GABRA3: variants seen among roughly 807,000 people sequenced by gnomAD.
The protein encoded by GABRA3 is gamma-aminobutyric acid receptor subunit alpha-3.
GABRA3 carries 10 observed loss-of-function variants against 30.1 expected under a neutral mutation model. The observed-to-expected ratio is 0.33, with a 90% CI of 0.20 to 0.56. The LOEUF (loss-of-function observed/expected upper bound fraction) is 0.56, where lower values mean the gene tolerates loss of function less well. Ranked by LOEUF, GABRA3 falls within the 20% of genes least tolerant of loss-of-function variation. GABRA3 has a pLI of 0.89. For synonymous variants in GABRA3, 151 were observed against 146.8 expected (o/e 1.03, Z -0.21); for missense variants, 233 against 392.0 (o/e 0.59, Z 3.42).
At chrX:152,270,584 G>A (rs1259776406) in intron 4 of GABRA3, among the ~76,000 whole-genome samples, 1 of 111,434 alleles carries the variant, frequency 9.0e-6, no homozygotes, top group Non-Finnish European at 1.9e-5. Context: ...GCCAAGTGCA[G>A]TGGCTCACAC....
At chrX:152,384,820 G>A (rs963906538) in intron 1 of GABRA3, among the ~76,000 whole-genome samples, 8 of 111,662 alleles carry the variant, frequency 7.2e-5, no homozygotes, top group African/African-American at 1.6e-4. Context: ...AACAAATACC[G>A]AATGGTAGAC....
intron 5 of GABRA3, among the ~76,000 whole-genome samples, chrX:152,247,527 G>A (rs1255369950): frequency 8.9e-6 from 1 of 111,764 alleles, no homozygotes; most frequent in Non-Finnish European, 1.9e-5. Context: ...CTTATTGGTG[G>A]TGTGAGTTTG....
intron 5 of GABRA3, among the ~76,000 whole-genome samples, chrX:152,225,869 A>G (rs1464388813): frequency 9.1e-6 from 1 of 110,137 alleles, no homozygotes; most frequent in Non-Finnish European, 1.9e-5. Context: ...TGGAGTTCTA[A>G]TAAGTTGAGA....
chrX:152,296,416 C>T (rs924537340), intron 3 of GABRA3, among the ~76,000 whole-genome samples: 3 of 111,852 alleles, frequency 2.7e-5, no homozygotes, highest in African/African-American at 9.8e-5. Flanking sequence ...TTTCCCCTTC[C>T]CCTTGCAGTA....
At chrX:152,239,439 G>C (rs1477985256) in intron 5 of GABRA3, among the ~76,000 whole-genome samples, 7 of 99,932 alleles carry the variant, frequency 7.0e-5, no homozygotes, top group Non-Finnish European at 1.2e-4. Context: ...TGGAATAGGT[G>C]TGGTGTGGTG....
chrX:152,416,731 A>G (rs891709339), intron 1 of GABRA3, among the ~76,000 whole-genome samples: 1 of 110,842 alleles, frequency 9.0e-6, no homozygotes, highest in Admixed American at 9.6e-5. Flanking sequence ...CATATCTACA[A>G]CTATCTGATC....
At chrX:152,340,395 T>C (rs187833946) in intron 3 of GABRA3, among the ~76,000 whole-genome samples, 110 of 112,432 alleles carry the variant, frequency 9.8e-4, no homozygotes, top group African/African-American at 3.4e-3. Context: ...AATTTTTAAA[T>C]GAGGAACTAT....
intron 2 of GABRA3, among the ~76,000 whole-genome samples, chrX:152,352,400 A>G (rs1940491744): frequency 8.9e-6 from 1 of 111,849 alleles, no homozygotes; most frequent in African/African-American, 3.2e-5. Flanking sequence ...AACTCCTGAA[A>G]ATGCAATGAA....
intron 3 of GABRA3, among the ~76,000 whole-genome samples, chrX:152,285,144 A>T (rs773992548): frequency 3.6e-5 from 4 of 111,763 alleles, no homozygotes; most frequent in Non-Finnish European, 7.5e-5. Flanking sequence ...GGGCAATAGG[A>T]ATGGTTCTGG....
intron 1 of GABRA3, among the ~76,000 whole-genome samples, chrX:152,377,818 A>T (rs1335396717): frequency 7.2e-5 from 8 of 111,833 alleles, no homozygotes; most frequent in Non-Finnish European, 1.3e-4. Context: ...ACACATACAC[A>T]CAAACACATG....
chrX:152,394,488 G>A (rs774288014), intron 1 of GABRA3: 2 of 387,211 alleles, frequency 5.2e-6, no homozygotes, highest in Admixed American at 5.1e-5. Context: ...TGACCACGAT[G>A]CACACACAGA....
At chrX:152,216,047 C>G (rs1603212484) in intron 6 of GABRA3, among the ~76,000 whole-genome samples, 1 of 109,937 alleles carries the variant, frequency 9.1e-6, no homozygotes, top group African/African-American at 3.3e-5. Context: ...ATCATCTCAC[C>G]CTGGTTAGAA....
chrX:152,211,665 A>G (rs1413210539), intron 6 of GABRA3, among the ~76,000 whole-genome samples: 2 of 112,033 alleles, frequency 1.8e-5, no homozygotes, highest in South Asian at 3.7e-4. Context: ...GGAAGCCCAC[A>G]ATTTACTTGG....
chrX:152,291,739 C>T (rs1428052254), intron 3 of GABRA3, among the ~76,000 whole-genome samples: 1 of 111,495 alleles, frequency 9.0e-6, no homozygotes, highest in East Asian at 2.8e-4. Flanking sequence ...TGAATCTTGT[C>T]GAAGGCCTTT....
chrX:152,182,643 A>ATATATAGT (rs1937183739), intron 9 of GABRA3, among the ~76,000 whole-genome samples: 4 of 84,139 alleles, frequency 4.8e-5, no homozygotes, highest in Non-Finnish European at 8.7e-5. Flanking sequence ...CTATATATAC[A>ATATATAGT]CTATATATAC....
rs757050729 is a variant in GABRA3 at position 152,330,075 on chromosome X, A to G, written c.262+15506T>C. Among the ~76,000 whole-genome samples, 853 of 112,043 alleles carry G rather than the reference A, an allele frequency of 7.6e-3. 17 individuals are homozygous for G. The highest frequency in any genetic ancestry group is 0.026 in the African/African-American group (810 of 30,689). ...ACACTTCTCAAAAGAATACATTAAT[A>G]CAACCAACAGACACATGAAAAAATG... is the stretch of plus-strand genomic sequence containing the variant. On this transcript the variant is annotated intron_variant, in intron 3 of 9. Transcript: ENST00000370314.
intron 5 of GABRA3, among the ~76,000 whole-genome samples, chrX:152,253,193 T>C (rs753241813): frequency 4.5e-5 from 5 of 111,776 alleles, no homozygotes; most frequent in Admixed American, 2.8e-4. Context: ...ACTAGATACC[T>C]GGCATGAAAT....
chrX:152,227,087 G>T (rs1242940628), intron 5 of GABRA3, among the ~76,000 whole-genome samples: 2 of 110,271 alleles, frequency 1.8e-5, no homozygotes, highest in East Asian at 5.8e-4. Context: ...GCACACGTAT[G>T]TTTATTGTGG....
chrX:152,252,410 C>A (rs1938571293), intron 5 of GABRA3, among the ~76,000 whole-genome samples: 1 of 111,468 alleles, frequency 9.0e-6, no homozygotes, highest in Admixed American at 9.5e-5. Context: ...AATGCTGGCT[C>A]AACCATCTAC....
Sources: gnomAD v4.1 joint callset for allele counts (sites outside exome capture counted in the v4.1 genomes callset) on GRCh38, gnomAD v4.1.1 for gene constraint, MANE v1.5 for transcripts, NCBI Gene and HGNC (gene_info 2026-07-23, HGNC 2026-07-21) for gene names.